The following SYCP1 variants were observed in gnomAD, a reference collection of about 807,000 sequenced individuals.
The protein encoded by SYCP1 is cancer/testis antigen 8.
SYCP1 carries 64 observed loss-of-function variants against 153.1 expected under a neutral mutation model. That is an observed-to-expected ratio of 0.42 (90% CI 0.34 to 0.51). The LOEUF (loss-of-function observed/expected upper bound fraction) is 0.51, where lower values mean the gene tolerates loss of function less well. Ranked by LOEUF, SYCP1 falls within the 20% of genes least tolerant of loss-of-function variation. SYCP1 has a pLI of 0.06. For synonymous variants in SYCP1, 384 were observed against 341.8 expected, an observed-to-expected ratio of 1.12 and a Z score of -1.36; for missense variants, 997 against 1,049.0, an observed-to-expected ratio of 0.95 and a Z score of 0.68.
In SYCP1 at chr1:114,926,897, C is replaced by T. The variant is rs538663532; in HGVS notation, c.1926+334C>T. Among the ~76,000 whole-genome samples, 43 of 152,156 alleles carry T rather than the reference C, an allele frequency of 2.8e-4. 1 individual carries two copies. The South Asian group carries it at 8.9e-3, about 32-fold the overall frequency. ...AGTAAGTGGAATGGATTCTTGGAAT[C>T]TACATTTTAAAAAGCTCTATGTGTG... On this transcript the variant is annotated intron_variant, in intron 23 of 31. Transcript: ENST00000369522.
chr1:114,888,913 T>G (rs1325414374), intron 15 of SYCP1, among the ~76,000 whole-genome samples: 1 of 151,754 alleles, frequency 6.6e-6, no homozygotes, highest in Non-Finnish European at 1.5e-5. Context: ...GTCCATGTGT[T>G]CTCATTGTTC....
chr1:114,941,796 T>C (rs1670408341), intron 23 of SYCP1, among the ~76,000 whole-genome samples: 1 of 152,098 alleles, frequency 6.6e-6, no homozygotes, highest in African/African-American at 2.4e-5. Context: ...AGTGGAGAAG[T>C]CCATGCACAA....
intron 15 of SYCP1, among the ~76,000 whole-genome samples, chr1:114,888,136 C>T (rs910657463): frequency 1.3e-5 from 2 of 152,012 alleles, no homozygotes; most frequent in Non-Finnish European, 2.9e-5. Flanking sequence ...TAAAATTCAA[C>T]AACTTTCATG....
At chr1:114,907,737 A>T (rs1365480949) in intron 16 of SYCP1, among the ~76,000 whole-genome samples, 1 of 151,824 alleles carries the variant, frequency 6.6e-6, no homozygotes, top group East Asian at 1.9e-4. Context: ...GCCCGCCATG[A>T]CGCCTGGCTA....
At chr1:114,873,890 C>T (rs1199119949) in intron 8 of SYCP1, among the ~76,000 whole-genome samples, 1 of 152,092 alleles carries the variant, frequency 6.6e-6, no homozygotes, top group East Asian at 1.9e-4. Context: ...TGGTACTATG[C>T]TTGGAGAATT....
chr1:114,982,409 G>T (rs1443810530), intron 29 of SYCP1, among the ~76,000 whole-genome samples: 1 of 151,630 alleles, frequency 6.6e-6, no homozygotes, highest in Non-Finnish European at 1.5e-5. Flanking sequence ...CTGAGACTTT[G>T]TTTTTCTTCA....
chr1:114,906,694 T>C (rs1490974260), intron 16 of SYCP1, among the ~76,000 whole-genome samples: 1 of 152,202 alleles, frequency 6.6e-6, no homozygotes, highest in East Asian at 1.9e-4. Context: ...TAGTTTAACT[T>C]TGTTATGGTC....
intron 20 of SYCP1, among the ~76,000 whole-genome samples, chr1:114,915,569 CAG>C (rs1332035772): frequency 2.0e-5 from 3 of 152,210 alleles, no homozygotes; most frequent in Admixed American, 6.5e-5. Flanking sequence ...AAAGGGACAG[CAG>C]CACTTGGTGT....
At chr1:114,881,541 T>TTCCTTCC (rs1557767728) in intron 12 of SYCP1, among the ~76,000 whole-genome samples, 5 of 151,590 alleles carry the variant, frequency 3.3e-5, no homozygotes, top group East Asian at 3.9e-4. Context: ...CCTTCCTTCC[T>TTCCTTCC]TTCTTGATGG....
At chr1:114,987,224 C>T (rs182822840) in intron 30 of SYCP1, among the ~76,000 whole-genome samples, 42 of 151,958 alleles carry the variant, frequency 2.8e-4, no homozygotes, top group Non-Finnish European at 5.3e-4. Flanking sequence ...GGGAGAAGAC[C>T]ATAAGCTTTT....
intron 16 of SYCP1, among the ~76,000 whole-genome samples, chr1:114,906,506 A>G (rs369999731): frequency 7.2e-5 from 11 of 152,222 alleles, no homozygotes; most frequent in East Asian, 5.8e-4. Flanking sequence ...TGCATGCTAT[A>G]AATTTCCTCT....
chr1:114,902,746 A>C (rs576038013), intron 16 of SYCP1, among the ~76,000 whole-genome samples: 2 of 151,876 alleles, frequency 1.3e-5, no homozygotes, highest in East Asian at 3.9e-4. Flanking sequence ...CTTGTTAGCT[A>C]TATGATCAAG....
intron 27 of SYCP1, among the ~76,000 whole-genome samples, chr1:114,969,660 G>A (rs1054625334): frequency 6.6e-6 from 1 of 152,124 alleles, no homozygotes; most frequent in Non-Finnish European, 1.5e-5. Flanking sequence ...GAACAGTTCT[G>A]TCTCATTGGA....
intron 23 of SYCP1, among the ~76,000 whole-genome samples, chr1:114,934,917 G>C (rs943422521): frequency 6.6e-5 from 10 of 152,148 alleles, no homozygotes; most frequent in African/African-American, 2.4e-4. Flanking sequence ...CAAGTCCTTA[G>C]AGACCTAGAA....
intron 27 of SYCP1, among the ~76,000 whole-genome samples, chr1:114,970,030 A>T (rs921402729): frequency 2.0e-5 from 3 of 152,122 alleles, no homozygotes; most frequent in African/African-American, 7.2e-5. Flanking sequence ...GGAAATGCAG[A>T]AATCACCCAC....
At chr1:114,976,411 T>C (rs1054831891) in intron 27 of SYCP1, among the ~76,000 whole-genome samples, 3 of 151,834 alleles carry the variant, frequency 2.0e-5, no homozygotes, top group African/African-American at 7.2e-5. Context: ...CTGATGATTA[T>C]TTAGCTACCA....
chr1:114,884,571 T>C (rs1666171048), intron 12 of SYCP1, among the ~76,000 whole-genome samples: 1 of 152,202 alleles, frequency 6.6e-6, no homozygotes, highest in South Asian at 2.1e-4. Context: ...GACCAATATA[T>C]TGTAAATTAT....
intron 30 of SYCP1, 44 bp from the exon 31 acceptor site, chr1:114,994,654 A>G: frequency 7.2e-7 from 1 of 1,382,748 alleles, no homozygotes; most frequent in Non-Finnish European, 9.8e-7. Flanking sequence ...ATATAATATT[A>G]ATGATGGTAA....
At chr1:114,869,680 AT>A (rs1175558865) in intron 8 of SYCP1, among the ~76,000 whole-genome samples, 11 of 152,286 alleles carry the variant, frequency 7.2e-5, no homozygotes, top group Admixed American at 3.9e-4. Context: ...CAGATTTTGG[AT>A]TTTCAGATTG....
Sources: gnomAD v4.1 joint callset for allele counts (sites outside exome capture counted in the v4.1 genomes callset) on GRCh38, gnomAD v4.1.1 for gene constraint, MANE v1.5 for transcripts, NCBI Gene and HGNC (gene_info 2026-07-23, HGNC 2026-07-21) for gene names.